Variants in KCNH7 observed in about 807,000 individuals in gnomAD.
The protein encoded by KCNH7 is potassium voltage-gated channel subfamily H member 7, also known as voltage-gated inwardly rectifying potassium channel KCNH7.
KCNH7 carries 49 observed loss-of-function variants against 120.8 expected under a neutral mutation model. The ratio of observed to expected loss-of-function variants is 0.41; its 90% CI spans 0.32 to 0.51. The LOEUF (loss-of-function observed/expected upper bound fraction) is 0.51, where lower values mean the gene tolerates loss of function less well. Ranked by LOEUF, KCNH7 falls within the 20% of genes least tolerant of loss-of-function variation. The pLI, the probability that KCNH7 is intolerant of heterozygous loss-of-function variation, is 0.38. For synonymous variants in KCNH7, 547 were observed against 516.1 expected (o/e 1.06, Z -0.81); for missense variants, 1,097 against 1,446.6 (o/e 0.76, Z 3.92).
At chr2:162,498,143 T>C (rs1690556757) in intron 6 of KCNH7, among the ~76,000 whole-genome samples, 1 of 152,074 alleles carries the variant, frequency 6.6e-6, no homozygotes, top group Non-Finnish European at 1.5e-5. Context: ...CTCATTAAGG[T>C]CCCTTCACAC....
intron 6 of KCNH7, among the ~76,000 whole-genome samples, chr2:162,459,011 A>AATAATAATAATG (rs1057501458): frequency 1.4e-5 from 2 of 138,190 alleles, no homozygotes; most frequent in Non-Finnish European, 3.1e-5. Flanking sequence ...GTTTCAAAAT[A>AATAATAATAATG]ATAATAATAA....
chr2:162,571,138 T>G (rs1693457746), intron 2 of KCNH7, among the ~76,000 whole-genome samples: 1 of 151,818 alleles, frequency 6.6e-6, no homozygotes, highest in South Asian at 2.1e-4. Flanking sequence ...ATTGTATATC[T>G]AGAAAACCCC....
chr2:162,612,168 C>A (rs1277488409), intron 2 of KCNH7, among the ~76,000 whole-genome samples: 3 of 152,018 alleles, frequency 2.0e-5, no homozygotes. Context: ...GATCAGGAAT[C>A]AATATGAAAA....
Position 162,396,037 on chromosome 2 carries a change from A to C in KCNH7, c.2613+703T>G, listed in dbSNP as rs909995272. ...GATGGAAGAGGAATAACCTAGTAATAAATTTTTGGTTACAACGTAAGTTTT... is the reference window on the plus strand; with the variant it reads ...GATGGAAGAGGAATAACCTAGTAATCAATTTTTGGTTACAACGTAAGTTTT... On this transcript the variant is annotated intron_variant, in intron 11 of 15. Transcript: ENST00000332142. Among the ~76,000 whole-genome samples, 7 of 151,910 alleles carry C rather than the reference A, an allele frequency of 4.6e-5. No individual in the cohort carries two copies. The East Asian group carries it at 1.4e-3, about 29-fold the overall frequency.
intron 2 of KCNH7, among the ~76,000 whole-genome samples, chr2:162,765,041 T>C (rs1682733448): frequency 6.6e-6 from 1 of 152,126 alleles, no homozygotes; most frequent in Non-Finnish European, 1.5e-5. Flanking sequence ...ACTGACTTTA[T>C]TGTATTGGAT....
intron 6 of KCNH7, among the ~76,000 whole-genome samples, chr2:162,449,166 C>T (rs924405770): frequency 2.0e-5 from 3 of 151,914 alleles, no homozygotes; most frequent in African/African-American, 4.8e-5. Flanking sequence ...GGGTAGAGGA[C>T]GGCCATGGAG....
At chr2:162,468,143 C>T (rs1486853066) in intron 6 of KCNH7, among the ~76,000 whole-genome samples, 1 of 152,104 alleles carries the variant, frequency 6.6e-6, no homozygotes, top group African/African-American at 2.4e-5. Flanking sequence ...GTCATCCTGG[C>T]ACTGGTGGGC....
intron 6 of KCNH7, among the ~76,000 whole-genome samples, chr2:162,481,658 G>A (rs960601650): frequency 6.6e-6 from 1 of 152,116 alleles, no homozygotes; most frequent in Non-Finnish European, 1.5e-5. Context: ...TATTTGGCTT[G>A]CCTGGAACTT....
At chr2:162,701,731 G>C (rs1212382801) in intron 2 of KCNH7, among the ~76,000 whole-genome samples, 1 of 152,130 alleles carries the variant, frequency 6.6e-6, no homozygotes, top group Non-Finnish European at 1.5e-5. Context: ...ATGTTGGGCT[G>C]GGCACAGTGG....
chr2:162,513,521 CCTTT>C (rs1691185858), intron 4 of KCNH7, among the ~76,000 whole-genome samples: 1 of 146,904 alleles, frequency 6.8e-6, no homozygotes, highest in Admixed American at 6.9e-5. Flanking sequence ...TTCCTTCCTT[CCTTT>C]CTTCCTTTCA....
chr2:162,420,699 T>C (rs2105484684), intron 9 of KCNH7, among the ~76,000 whole-genome samples: 1 of 152,338 alleles, frequency 6.6e-6, no homozygotes, highest in Non-Finnish European at 1.5e-5. Context: ...TGTGATTGAA[T>C]ATCTCGTACT....
chr2:162,384,538 G>C, intron 13 of KCNH7, 150 bp downstream of exon 13: 1 of 789,726 alleles, frequency 1.3e-6, no homozygotes, highest in Non-Finnish European at 2.0e-6. Context: ...ACACTTCATG[G>C]ATGATCTGAA....
chr2:162,814,344 G>T (rs1329566940), intron 2 of KCNH7, among the ~76,000 whole-genome samples: 1 of 152,036 alleles, frequency 6.6e-6, no homozygotes, highest in Non-Finnish European at 1.5e-5. Context: ...AGATAATATT[G>T]TTTTCAATTG....
At chr2:162,779,812 AC>A (rs537212388) in intron 2 of KCNH7, among the ~76,000 whole-genome samples, 26 of 152,216 alleles carry the variant, frequency 1.7e-4, no homozygotes, top group African/African-American at 4.6e-4. Flanking sequence ...ATTGTACATA[AC>A]CACTGGACAC....
At chr2:162,465,672 T>A (rs868510243) in intron 6 of KCNH7, among the ~76,000 whole-genome samples, 17 of 152,182 alleles carry the variant, frequency 1.1e-4, no homozygotes, top group Admixed American at 4.6e-4. Context: ...TTGTATTCAT[T>A]GAGGTTATAA....
chr2:162,694,459 T>C (rs559376119), intron 2 of KCNH7, among the ~76,000 whole-genome samples: 26 of 149,146 alleles, frequency 1.7e-4, no homozygotes, highest in Admixed American at 9.9e-4. Flanking sequence ...AGCTGGTGCG[T>C]GTGGGTATGT....
chr2:162,752,934 A>AAAAG (rs1559116220), intron 2 of KCNH7, among the ~76,000 whole-genome samples: 14 of 90,430 alleles, frequency 1.5e-4, no homozygotes, highest in Middle Eastern at 5.7e-3. Context: ...AAAAGAAAAG[A>AAAAG]AAAGAAAAGA....
chr2:162,562,347 T>C (rs2105881529), intron 2 of KCNH7, among the ~76,000 whole-genome samples: 1 of 152,272 alleles, frequency 6.6e-6, no homozygotes, highest in African/African-American at 2.4e-5. Context: ...AGTTAGGTAA[T>C]TGAGACAGGC....
chr2:162,687,886 A>T (rs957975506), intron 2 of KCNH7, among the ~76,000 whole-genome samples: 3 of 152,184 alleles, frequency 2.0e-5, no homozygotes, highest in African/African-American at 7.2e-5. Context: ...AACTATGTGT[A>T]TGTACAATGC....
Sources: gnomAD v4.1 joint callset for allele counts (sites outside exome capture counted in the v4.1 genomes callset) on GRCh38, gnomAD v4.1.1 for gene constraint, MANE v1.5 for transcripts, NCBI Gene and HGNC (gene_info 2026-07-23, HGNC 2026-07-21) for gene names.